Variants in WNT3 observed in about 807,000 individuals in gnomAD.
The protein encoded by WNT3 is proto-oncogene Wnt-3.
Under a neutral mutation model 34.2 loss-of-function variants are expected in WNT3, and 7 were observed. The ratio of observed to expected loss-of-function variants is 0.20; its 90% CI spans 0.12 to 0.38. The LOEUF (loss-of-function observed/expected upper bound fraction) is 0.38. Ranked by LOEUF, WNT3 falls within the 10% of genes least tolerant of loss-of-function variation. The pLI is 1.00. For missense variants in WNT3, 267 were observed against 499.8 expected, an observed-to-expected ratio of 0.53 and a Z score of 4.44; for synonymous variants, 212 against 211.5, an observed-to-expected ratio of 1.00 and a Z score of -0.02.
intron 1 of WNT3, among the ~76,000 whole-genome samples, chr17:46,816,475 G>GCACGCACACACACA (rs1475869479): frequency 8.3e-5 from 12 of 144,244 alleles, no homozygotes; most frequent in African/African-American, 3.1e-4. Context: ...CAGAACACAC[G>GCACGCACACACACA]CACACACACA....
chr17:46,791,676 A>T (rs575899901), intron 1 of WNT3, among the ~76,000 whole-genome samples: 1 of 152,318 alleles, frequency 6.6e-6, no homozygotes, highest in South Asian at 2.1e-4. Context: ...TTCTGTCTGC[A>T]TTCTACTTAC....
intron 1 of WNT3, among the ~76,000 whole-genome samples, chr17:46,789,636 C>A (rs1210982859): frequency 6.6e-6 from 1 of 152,208 alleles, no homozygotes; most frequent in Non-Finnish European, 1.5e-5. Context: ...CAAATGACAC[C>A]ATGGGGAAGC....
At chr17:46,816,512 CA>C (rs1306903325) in intron 1 of WNT3, among the ~76,000 whole-genome samples, 1 of 143,118 alleles carries the variant, frequency 7.0e-6, no homozygotes, top group Non-Finnish European at 1.5e-5. Flanking sequence ...CACACACACA[CA>C]CACCTCTCTC....
chr17:46,784,900 C>T (rs1041362887), intron 1 of WNT3, among the ~76,000 whole-genome samples: 12 of 151,822 alleles, frequency 7.9e-5, no homozygotes, highest in African/African-American at 1.2e-4. Flanking sequence ...CTCAGCCTCC[C>T]GAGTAGCTGG....
chr17:46,804,975 T>C (rs1284413374), intron 1 of WNT3, among the ~76,000 whole-genome samples: 1 of 128,674 alleles, frequency 7.8e-6, no homozygotes, highest in Non-Finnish European at 1.6e-5. Context: ...TTCCATGCTG[T>C]GGAAACTTTG....
intron 1 of WNT3, among the ~76,000 whole-genome samples, chr17:46,783,715 C>T (rs1432356426): frequency 6.6e-6 from 1 of 152,150 alleles, no homozygotes; most frequent in East Asian, 1.9e-4. Flanking sequence ...GGAGCAGCTA[C>T]CGAGCTGGAG....
At chr17:46,765,826 C>A (rs2059307432) in intron 4 of WNT3, among the ~76,000 whole-genome samples, 2 of 152,200 alleles carry the variant, frequency 1.3e-5, no homozygotes, top group African/African-American at 2.4e-5. Context: ...ACAGGACAAC[C>A]CTACACAGAA....
intron 1 of WNT3, among the ~76,000 whole-genome samples, chr17:46,817,555 C>T (rs62071977): frequency 9.1e-4 from 138 of 152,118 alleles, no homozygotes; most frequent in Non-Finnish European, 1.7e-3. Context: ...TGGGGCCGCT[C>T]GGAAAACAAG....
At chr17:46,764,802 G>A (rs1439058153) in intron 4 of WNT3, among the ~76,000 whole-genome samples, 181 bp from the exon 5 acceptor site, 2 of 152,224 alleles carry the variant, frequency 1.3e-5, no homozygotes, top group Admixed American at 1.3e-4. Flanking sequence ...GTTGAGGGAG[G>A]TCGTATGAGT....
At chr17:46,817,381 C>CCCCG (rs1263819927) in intron 1 of WNT3, among the ~76,000 whole-genome samples, 121 of 152,106 alleles carry the variant, frequency 8.0e-4, no homozygotes, top group African/African-American at 2.8e-3. Context: ...TCCCCCCGCC[C>CCCCG]AGGCCAAGGC....
At chr17:46,810,493 C>A (rs1199428919) in intron 1 of WNT3, among the ~76,000 whole-genome samples, 1 of 152,174 alleles carries the variant, frequency 6.6e-6, no homozygotes, top group East Asian at 1.9e-4. Flanking sequence ...CGGGGCATGC[C>A]CACAAAGATT....
intron 1 of WNT3, among the ~76,000 whole-genome samples, chr17:46,818,143 G>T (rs889423494): frequency 6.6e-6 from 1 of 152,094 alleles, no homozygotes; most frequent in African/African-American, 2.4e-5. Flanking sequence ...AAATGGAGAA[G>T]AGGAGTGGCT....
intron 2 of WNT3, among the ~76,000 whole-genome samples, chr17:46,772,004 CG>C (rs1308287723): frequency 1.3e-5 from 2 of 151,134 alleles, no homozygotes; most frequent in African/African-American, 4.8e-5. Flanking sequence ...ACGCGCGCCC[CG>C]GGCTGCCCGA....
At chr17:46,771,942 C>T (rs570786956) in intron 2 of WNT3, among the ~76,000 whole-genome samples, 251 of 147,696 alleles carry the variant, frequency 1.7e-3, no homozygotes, top group Non-Finnish European at 2.7e-3. Flanking sequence ...GCGCCGCCGC[C>T]GCGCCTCGCC....
intron 1 of WNT3, among the ~76,000 whole-genome samples, chr17:46,774,922 T>C (rs760222821): frequency 6.6e-6 from 1 of 152,162 alleles, no homozygotes; most frequent in Non-Finnish European, 1.5e-5. Context: ...CCAGGGGCAG[T>C]GTGAGCTGGA....
chr17:46,772,567 G>A (rs1205096909), intron 2 of WNT3, among the ~76,000 whole-genome samples: 1 of 152,248 alleles, frequency 6.6e-6, no homozygotes, highest in East Asian at 1.9e-4. Context: ...CCAATTAAGA[G>A]GCCAAATCTT....
In WNT3 at chr17:46,768,768, T is replaced by C; in HGVS notation, c.620A>G (p.Lys207Arg). Residue 207 changes from lysine to arginine, a missense_variant, in exon 4 of 5, where the codon AAG becomes AGG. This residue lies in a region of WNT3 where 181 missense variants were observed against 391.3 expected (regional missense o/e 0.46). Coordinates refer to ENST00000225512, the MANE Select transcript of WNT3 (RefSeq NM_030753.5). The surrounding 1 kb of genome is among the most constrained non-coding windows in gnomAD (Gnocchi z 5.0). The stretch of plus-strand genomic sequence containing the variant: ...ACAGCTGCCCGACAGCCCGTGGCAC[T>C]TGCATTTGAGGTGCATGTGGTCCAG... ...TILDHMHLKC[K>R]CHGLSGSCEV... is the part of the protein sequence containing the mutation. 1 of 1,613,994 alleles carries C rather than the reference T, an allele frequency of 6.2e-7. No individual in the cohort carries two copies. Among genetic ancestry groups the C allele is most frequent in the Non-Finnish European group, 8.5e-7 (1 of 1,180,030 alleles).
chr17:46,806,554 T>C (rs2084200106), intron 1 of WNT3, among the ~76,000 whole-genome samples: 1 of 152,176 alleles, frequency 6.6e-6, no homozygotes, highest in African/African-American at 2.4e-5. Flanking sequence ...AGAGGCTGCT[T>C]TCTCGAGGCT....
At chr17:46,769,741 G>C (rs762625833) in intron 3 of WNT3, 42 bp downstream of exon 3, 2 of 1,602,434 alleles carry the variant, frequency 1.2e-6, no homozygotes, top group South Asian at 1.1e-5. Flanking sequence ...GGGAAGCGGG[G>C]GGCTGCTCCC....
Sources: gnomAD v4.1 joint callset for allele counts (sites outside exome capture counted in the v4.1 genomes callset) on GRCh38, gnomAD v4.1.1 for gene constraint, gnomAD v4.1.1 regional missense constraint, Gnocchi (gnomAD v3.1) non-coding constraint, MANE v1.5 for transcripts, NCBI Gene and HGNC (gene_info 2026-07-23, HGNC 2026-07-21) for gene names.